The following STOX2 variants were observed in gnomAD, a reference collection of about 807,000 sequenced individuals.
The protein encoded by STOX2 is storkhead box 2.
In STOX2, 28 loss-of-function variants were observed where a neutral mutation model predicts 60.9. That is an observed-to-expected ratio of 0.46 (90% CI 0.34 to 0.63). STOX2 has a LOEUF of 0.63. STOX2 is among the 30% of genes least tolerant of loss of function. The pLI is 0.01. For synonymous variants in STOX2, 472 were observed against 463.9 expected (o/e 1.02, Z -0.22); for missense variants, 1,024 against 1,187.7 (o/e 0.86, Z 2.03).
intron 1 of STOX2, among the ~76,000 whole-genome samples, chr4:183,848,356 A>G (rs1466792457): frequency 1.3e-5 from 2 of 152,214 alleles, no homozygotes; most frequent in East Asian, 1.9e-4. Context: ...CATTCAAGGC[A>G]CATAATATAC....
chr4:183,832,924 C>T (rs1009481067), intron 1 of STOX2, among the ~76,000 whole-genome samples: 12 of 152,220 alleles, frequency 7.9e-5, no homozygotes, highest in African/African-American at 2.7e-4. Flanking sequence ...TTAACTTCAC[C>T]TCTGCAGACC....
At chr4:183,961,212 G>T (rs147144440) in intron 1 of STOX2, among the ~76,000 whole-genome samples, 10 of 152,276 alleles carry the variant, frequency 6.6e-5, no homozygotes, top group African/African-American at 2.2e-4. Flanking sequence ...CAAATGGGAA[G>T]CATGTGAGCA....
Position 184,017,381 on chromosome 4 carries a change from CCA to C in STOX2, c.*100_*101del, listed in dbSNP as rs1283054466. 7.9e-7 allele frequency: 1 copy of C among 1,262,370 alleles called. No homozygotes were observed. Among genetic ancestry groups the C allele is most frequent in the Non-Finnish European group, 1.1e-6 (1 of 930,182 alleles). 78.2% of individuals were successfully genotyped at this position (1,262,370 alleles called of 1,614,324 possible). ...ATCTTTGGAAAGACAAGCATCTCAACCACAGTTTTTGTGTTTACTTAAACTGT... is the reference window on the plus strand; with the variant it reads ...ATCTTTGGAAAGACAAGCATCTCAACCAGTTTTTGTGTTTACTTAAACTGT... On this transcript the variant is annotated 3_prime_UTR_variant, in exon 4 of 4. Coordinates refer to ENST00000308497, the MANE Select transcript of STOX2 (RefSeq NM_020225.3).
intron 1 of STOX2, among the ~76,000 whole-genome samples, chr4:183,846,667 CTT>C (rs1739997484): frequency 6.6e-6 from 1 of 151,830 alleles, no homozygotes; most frequent in Non-Finnish European, 1.5e-5. Context: ...TCATGATTTC[CTT>C]TAGTTGCTTG....
At chr4:183,907,181 G>T (rs984219807) in intron 1 of STOX2, among the ~76,000 whole-genome samples, 12 of 152,042 alleles carry the variant, frequency 7.9e-5, no homozygotes, top group Admixed American at 7.2e-4. Context: ...AAACGAGGGA[G>T]GGGGGACGAG....
At chr4:183,968,554 G>A (rs1281444309) in intron 1 of STOX2, among the ~76,000 whole-genome samples, 1 of 152,172 alleles carries the variant, frequency 6.6e-6, no homozygotes, top group Non-Finnish European at 1.5e-5. Context: ...TACTGGTCCA[G>A]CTGTTGTCTA....
intron 1 of STOX2, among the ~76,000 whole-genome samples, chr4:183,880,252 G>C (rs1013843917): frequency 2.6e-5 from 4 of 152,126 alleles, no homozygotes; most frequent in Non-Finnish European, 4.4e-5. Flanking sequence ...CCAAAGTGCT[G>C]TGATTACAGG....
chr4:183,963,050 C>G (rs1743456439), intron 1 of STOX2, among the ~76,000 whole-genome samples: 1 of 152,166 alleles, frequency 6.6e-6, no homozygotes, highest in African/African-American at 2.4e-5. Flanking sequence ...AATCTTAATT[C>G]TTCTACACTC....
At chr4:183,882,331 C>T (rs1195117935) in intron 1 of STOX2, among the ~76,000 whole-genome samples, 1 of 152,084 alleles carries the variant, frequency 6.6e-6, no homozygotes, top group Non-Finnish European at 1.5e-5. Flanking sequence ...TTATGGGTTC[C>T]TGAGTGCTAG....
intron 1 of STOX2, among the ~76,000 whole-genome samples, chr4:183,914,584 G>C (rs1478672495): frequency 6.6e-6 from 1 of 152,204 alleles, no homozygotes; most frequent in African/African-American, 2.4e-5. Flanking sequence ...AACTACAGAG[G>C]GCTTTCAGGT....
chr4:183,833,775 G>T (rs1317648208), intron 1 of STOX2, among the ~76,000 whole-genome samples: 2 of 148,300 alleles, frequency 1.3e-5, no homozygotes, highest in Non-Finnish European at 3.0e-5. Flanking sequence ...GAGGTCAGGA[G>T]ATCGAGACCA....
chr4:183,826,575 G>A (rs967698256), intron 1 of STOX2, among the ~76,000 whole-genome samples: 7 of 152,194 alleles, frequency 4.6e-5, no homozygotes, highest in South Asian at 2.1e-4. Context: ...TTAGCTTGTC[G>A]AAAGAGCAAG....
intron 1 of STOX2, among the ~76,000 whole-genome samples, chr4:183,861,883 G>A (rs1740455946): frequency 6.6e-6 from 1 of 152,128 alleles, no homozygotes; most frequent in African/African-American, 2.4e-5. Context: ...ATGATTCAAA[G>A]TGCAAAGCCC....
At chr4:183,861,250 C>A (rs1259066031) in intron 1 of STOX2, among the ~76,000 whole-genome samples, 11 of 152,072 alleles carry the variant, frequency 7.2e-5, no homozygotes, top group African/African-American at 2.7e-4. Flanking sequence ...GAAGGAGCTG[C>A]CCCCCACCAC....
intron 3 of STOX2, among the ~76,000 whole-genome samples, chr4:184,013,284 A>G (rs2111255523): frequency 1.3e-5 from 2 of 152,362 alleles, no homozygotes. Flanking sequence ...TGGTTGAACC[A>G]GTATCTCTAC....
intron 1 of STOX2, among the ~76,000 whole-genome samples, chr4:183,966,585 ATT>A (rs1362604683): frequency 6.6e-6 from 1 of 152,174 alleles, no homozygotes; most frequent in African/African-American, 2.4e-5. Flanking sequence ...TACGCCACAC[ATT>A]CACCTTAACC....
chr4:183,874,993 A>ATATATATATATAT (rs1560857952), intron 1 of STOX2, among the ~76,000 whole-genome samples: 1 of 116,014 alleles, frequency 8.6e-6, no homozygotes, highest in African/African-American at 3.3e-5. Context: ...ATATATATAT[A>ATATATATATATAT]AAACTTAGAA....
intron 1 of STOX2, among the ~76,000 whole-genome samples, chr4:183,854,424 G>A (rs1740238246): frequency 6.6e-6 from 1 of 152,174 alleles, no homozygotes; most frequent in South Asian, 2.1e-4. Flanking sequence ...ATGTTTTTGT[G>A]TGTGTCTGTG....
chr4:184,003,839 C>G, intron 2 of STOX2, among the ~76,000 whole-genome samples: 1 of 152,172 alleles, frequency 6.6e-6, no homozygotes, highest in South Asian at 2.1e-4. Flanking sequence ...GCAATAGCTC[C>G]AGATTTTAAA....
Sources: gnomAD v4.1 joint callset for allele counts (sites outside exome capture counted in the v4.1 genomes callset) on GRCh38, gnomAD v4.1.1 for gene constraint, MANE v1.5 for transcripts, NCBI Gene and HGNC (gene_info 2026-07-23, HGNC 2026-07-21) for gene names.